Variants in ZNF808 observed in about 807,000 individuals in gnomAD.
ZNF808 encodes the protein zinc finger protein 808.
ZNF808 carries 5 observed loss-of-function variants against 8.7 expected under a neutral mutation model. The observed-to-expected ratio is 0.58, with a 90% confidence interval of 0.30 to 1.21. The LOEUF (loss-of-function observed/expected upper bound fraction) is 1.21, where lower values mean the gene tolerates loss of function less well. ZNF808 is among the 50% of genes most tolerant of loss of function. ZNF808 has a pLI of 0.07. For synonymous variants in ZNF808, 380 were observed against 366.0 expected (o/e 1.04, Z -0.44); for missense variants, 1,103 against 1,098.4 (o/e 1.00, Z -0.06).
At position 52,553,499 on chromosome 19, in the gene ZNF808, A is replaced by C; in HGVS notation, c.583A>C (p.Arg195=). The change falls in exon 5 of 5, where the codon AGA becomes CGA. Residue 195 remains arginine, a synonymous_variant. Transcript: ENST00000359798. The part of the protein sequence containing the change: ...SDASSVSTSQ[R]ISCRPQIHIS... The stretch of plus-strand genomic sequence containing the variant: ...TGCTTCCTCAGTTTCAACATCCCAA[A>C]GAATTTCCTGTAGGCCCCAAATCCA... The C allele has an allele frequency of 6.2e-7, 1 of 1,614,182 alleles. No individual in the cohort carries two copies. Among genetic ancestry groups the C allele is most frequent in the East Asian group, 2.2e-5 (1 of 44,878 alleles).
intron 4 of ZNF808, among the ~76,000 whole-genome samples, chr19:52,549,631 G>T (rs1390230261): frequency 6.6e-6 from 1 of 151,868 alleles, no homozygotes; most frequent in Non-Finnish European, 1.5e-5. Flanking sequence ...TATCCTAGTG[G>T]AATTATATTC....
chr19:52,564,347 A>G lies in ZNF808; in HGVS notation c.*1452A>G. The G allele has an allele frequency of 1.1e-5, 6 of 543,678 alleles. No homozygotes were observed. The Admixed American group carries it at 1.8e-4, about 16-fold the overall frequency. 33.7% of individuals were successfully genotyped at this position (543,678 alleles called of 1,614,324 possible). ...CTTGGACATGTTTTATTGGGAATAT[A>G]TTTTTTTCTCTCTGAATCTGTTATG... is the stretch of plus-strand genomic sequence containing the variant. On this transcript the variant is annotated 3_prime_UTR_variant and NMD_transcript_variant, in exon 4 of 4. Coordinates refer to the ZNF808 transcript ENST00000487863.
rs754509525 is a variant in ZNF808, at chr19:52,553,926, A to G, written c.1010A>G (p.His337Arg). 1 of 1,614,178 alleles carries G rather than the reference A, an allele frequency of 6.2e-7. No individual in the cohort carries two copies. Among genetic ancestry groups the G allele is most frequent in the Non-Finnish European group, 8.5e-7 (1 of 1,180,036 alleles). ...GCCCTTGTAATTCATAAGGCAATTC[A>G]TACTGGAGAGAAACCTTACAAGTGT... ...NSALVIHKAI[H>R]TGEKPYKCNE... Residue 337 changes from histidine to arginine, a missense_variant, in exon 5 of 5, where the codon CAT (histidine) becomes CGT (arginine). Transcript: ENST00000359798.
At chr19:52,531,661 A>AT (rs1466817745) in intron 1 of ZNF808, among the ~76,000 whole-genome samples, 8 of 152,076 alleles carry the variant, frequency 5.3e-5, no homozygotes, top group Non-Finnish European at 1.2e-4. Context: ...TCTGCATCAT[A>AT]TTTTTGATGT....
chr19:52,564,342 AAT>A, exon 4 of ZNF808: 5 of 560,398 alleles, frequency 8.9e-6, no homozygotes, highest in Non-Finnish European at 1.6e-5. Context: ...TTTTATTGGG[AAT>A]ATATTTTTTT....
intron 2 of ZNF808, among the ~76,000 whole-genome samples, chr19:52,542,840 AT>A (rs2059684704): frequency 6.6e-6 from 1 of 150,746 alleles, no homozygotes; most frequent in South Asian, 2.1e-4. Context: ...ATGAAGTCTC[AT>A]TTTGTCGCCC....
Position 52,554,199 on chromosome 19 carries a change from A to G in ZNF808, c.1283A>G (p.Lys428Arg), listed in dbSNP as rs1229673624. 1.2e-6 allele frequency: 2 copies of G among 1,613,726 alleles called. No individual in the cohort carries two copies. The highest frequency in any genetic ancestry group is 2.7e-5 in the African/African-American group (2 of 75,022). ...HILHTGEKPY[K>R]CEECDKVFSQ... ...CTTCATACTGGAGAGAAACCTTACAAATGTGAAGAATGTGACAAAGTTTTC... is the reference window on the plus strand; with the variant it reads ...CTTCATACTGGAGAGAAACCTTACAGATGTGAAGAATGTGACAAAGTTTTC... The change falls in exon 5 of 5, where the codon AAA becomes AGA. Residue 428 changes from lysine (K) to arginine (R), a missense_variant. Lys to Arg is a conservative substitution (Grantham distance 26). Coordinates refer to ENST00000359798, the MANE Select transcript of ZNF808 (RefSeq NM_001039886.4).
chr19:52,529,912 T>TA (rs796195468), intron 1 of ZNF808, among the ~76,000 whole-genome samples: 21,809 of 78,440 alleles, frequency 0.28, 2,123 homozygotes, highest in Admixed American at 0.37. Flanking sequence ...TATATATATA[T>TA]TTTTTTTTTT....
At chr19:52,547,809 G>A (rs1400565235) in intron 4 of ZNF808, among the ~76,000 whole-genome samples, 171 bp downstream of exon 4, 1 of 146,246 alleles carries the variant, frequency 6.8e-6, no homozygotes, top group Non-Finnish European at 1.5e-5. Flanking sequence ...ATGGTATATC[G>A]GTTCACCATA....
chr19:52,554,745 T>G lies in ZNF808; in HGVS notation c.1829T>G (p.Leu610Arg), dbSNP rs368368813. 11 of 1,613,882 alleles carry G rather than the reference T, an allele frequency of 6.8e-6. No homozygotes were observed. The highest frequency in any genetic ancestry group is 8.5e-6 in the Non-Finnish European group (10 of 1,179,910). The change falls in exon 5 of 5, where the codon CTT (leucine) becomes CGT (arginine). Residue 610 changes from leucine to arginine, a missense_variant. Leu to Arg is a moderately radical substitution (Grantham distance 102). Coordinates refer to ENST00000359798, the MANE Select transcript of ZNF808 (RefSeq NM_001039886.4). ...AAAGTTTTTGGTCAGAAATCAGCTCTTGAGTCACATAAGAGAATTCATACT... is the reference window on the plus strand; with the variant it reads ...AAAGTTTTTGGTCAGAAATCAGCTCGTGAGTCACATAAGAGAATTCATACT... ...CDKVFGQKSA[L>R]ESHKRIHTGE...
At chr19:52,539,945 A>G (rs1370924582) in intron 2 of ZNF808, among the ~76,000 whole-genome samples, 2 of 151,974 alleles carry the variant, frequency 1.3e-5, no homozygotes, top group Non-Finnish European at 2.9e-5. Context: ...CCTGGGCTCA[A>G]GTGATTTTCC....
chr19:52,539,080 G>GTGAC (rs1415624192), intron 2 of ZNF808, among the ~76,000 whole-genome samples: 1 of 151,938 alleles, frequency 6.6e-6, no homozygotes, highest in Non-Finnish European at 1.5e-5. Flanking sequence ...AGGGTAAGAA[G>GTGAC]TGACTGACTC....
chr19:52,538,762 C>G (rs553032766), intron 2 of ZNF808, among the ~76,000 whole-genome samples: 1 of 151,764 alleles, frequency 6.6e-6, no homozygotes, highest in Admixed American at 6.6e-5. Flanking sequence ...TGGAGGGAAG[C>G]AGTAATGAAG....
At chr19:52,541,293 T>C (rs1341408060) in intron 2 of ZNF808, among the ~76,000 whole-genome samples, 1 of 151,694 alleles carries the variant, frequency 6.6e-6, no homozygotes, top group African/African-American at 2.4e-5. Context: ...TTTTTCATGG[T>C]GTGACATAGA....
intron 1 of ZNF808, among the ~76,000 whole-genome samples, chr19:52,531,017 C>T (rs551034663): frequency 2.0e-5 from 3 of 152,216 alleles, no homozygotes; most frequent in Non-Finnish European, 2.9e-5. Flanking sequence ...AGGGTGGTGG[C>T]ATGCGTCTGT....
In ZNF808 at chr19:52,553,647, C is replaced by G; in HGVS notation, c.731C>G (p.Ser244Ter). 1.2e-6 allele frequency: 2 copies of G among 1,614,176 alleles called. No homozygotes were observed. Among genetic ancestry groups the G allele is most frequent in the Non-Finnish European group, 1.7e-6 (2 of 1,180,032 alleles). ...NESGKAFNCS[S>*]LLRKHQIPHL... The stretch of plus-strand genomic sequence containing the variant: ...AGTGGCAAAGCCTTTAATTGTAGCT[C>G]ACTCTTAAGGAAACACCAGATACCC... The change falls in exon 5 of 5, where the codon TCA becomes TGA. Residue 244 changes from serine (S) to a stop codon, truncating the protein, a stop_gained. Coordinates refer to ENST00000359798, the MANE Select transcript of ZNF808 (RefSeq NM_001039886.4). LOFTEE classifies it low-confidence loss of function (END_TRUNC).
Position 52,554,360 on chromosome 19 carries a change from A to G in ZNF808, c.1444A>G (p.Thr482Ala). ...RHRRIHTGEK[T>A]YKCNECRKTF... ...TAGAAGAATTCACACTGGAGAGAAA[A>G]CTTACAAGTGTAATGAGTGTCGCAA... The change falls in exon 5 of 5, where the codon ACT (threonine) becomes GCT (alanine). Residue 482 changes from threonine (T) to alanine (A), a missense_variant. By Grantham distance (58) the Thr-to-Ala change is moderately conservative (BLOSUM62 0). Coordinates refer to ENST00000359798, the MANE Select transcript of ZNF808 (RefSeq NM_001039886.4). The G allele has an allele frequency of 6.2e-7, 1 of 1,613,658 alleles. No individual in the cohort carries two copies.
intron 2 of ZNF808, among the ~76,000 whole-genome samples, chr19:52,541,242 G>T (rs1054609496): frequency 6.7e-6 from 1 of 150,260 alleles, no homozygotes; most frequent in African/African-American, 2.5e-5. Context: ...GATCCACCCC[G>T]CCTGGCCTTT....
In ZNF808 at chr19:52,554,504, C is replaced by T. The variant is rs776930729; in HGVS notation, c.1588C>T (p.Arg530Cys). The T allele has an allele frequency of 7.1e-5, 114 of 1,613,986 alleles. 1 individual carries two copies. Among genetic ancestry groups the T allele is most frequent in the Non-Finnish European group, 8.9e-5 (105 of 1,180,002 alleles). Residue 530 changes from arginine to cysteine, a missense_variant, in exon 5 of 5, where the codon CGT (arginine) becomes TGT (cysteine). Transcript: ENST00000359798. The stretch of plus-strand genomic sequence containing the variant: ...TCACCGGGCATCCCTTGTATACCAT[C>T]GTAGACTTCACACTCTAGAGAAATC... Reference protein sequence around the residue: ...FRHRASLVYHRRLHTLEKSYK... With the variant: ...FRHRASLVYHCRLHTLEKSYK...
Sources: allele counts gnomAD v4.1 joint callset (sites outside exome capture counted in the v4.1 genomes callset), GRCh38; gene constraint gnomAD v4.1.1; transcripts MANE v1.5; gene names NCBI Gene and HGNC (gene_info 2026-07-23, HGNC 2026-07-21).